TPST2: variants seen among roughly 807,000 people sequenced by gnomAD.
TPST2 encodes protein-tyrosine sulfotransferase 2.
Under a neutral mutation model 27.8 loss-of-function variants are expected in TPST2, and 16 were observed. The ratio of observed to expected loss-of-function variants is 0.58; its 90% confidence interval spans 0.39 to 0.88. The LOEUF (loss-of-function observed/expected upper bound fraction) is 0.88, where lower values mean the gene tolerates loss of function less well. Among genes scored for constraint, TPST2 ranks in the 40% least tolerant of loss-of-function variants. The pLI is 0.00. For synonymous variants in TPST2, 229 were observed against 231.7 expected, an observed-to-expected ratio of 0.99 and a Z score of 0.10; for missense variants, 464 against 543.1, an observed-to-expected ratio of 0.85 and a Z score of 1.45.
intron 1 of TPST2, among the ~76,000 whole-genome samples, chr22:26,575,616 G>C (rs1342695015): frequency 6.6e-6 from 1 of 152,184 alleles, no homozygotes; most frequent in Non-Finnish European, 1.5e-5. Flanking sequence ...AGGCACACAG[G>C]AGGTGCTCAT....
intron 1 of TPST2, among the ~76,000 whole-genome samples, chr22:26,583,060 C>T (rs9625048): frequency 1.2e-4 from 18 of 147,154 alleles, no homozygotes; most frequent in South Asian, 1.1e-3. Flanking sequence ...TGCAGTGAGC[C>T]GAGATCACAC....
chr22:26,562,629 CT>C (rs201599919), intron 1 of TPST2, among the ~76,000 whole-genome samples: 21 of 108,278 alleles, frequency 1.9e-4, no homozygotes, highest in African/African-American at 3.3e-4. Context: ...CTTTTCTTTT[CT>C]TTTTTTTTTT....
chr22:26,571,729 A>G (rs975006341), intron 1 of TPST2, among the ~76,000 whole-genome samples: 1 of 152,172 alleles, frequency 6.6e-6, no homozygotes, highest in Admixed American at 6.5e-5. Context: ...TCCTAATAGG[A>G]TCTCCTGAGC....
chr22:26,547,315 G>A lies in TPST2; in HGVS notation c.-160-2640C>T, dbSNP rs1926179769. 2.6e-5 allele frequency among the ~76,000 whole-genome samples: 4 copies of A among 152,118 alleles called. No individual in the cohort carries two copies. The South Asian group carries it at 6.2e-4, about 24-fold the overall frequency. ...GAGTCCCGCTATGTTGCCCAGGCTGGTCTCAAACTCCTGGACTCAAGCAAT... is the reference window on the plus strand; with the variant it reads ...GAGTCCCGCTATGTTGCCCAGGCTGATCTCAAACTCCTGGACTCAAGCAAT... On this transcript the variant is annotated intron_variant, in intron 1 of 6. Coordinates refer to ENST00000338754, the MANE Select transcript of TPST2 (RefSeq NM_003595.5).
chr22:26,549,876 A>AG lies in TPST2; in HGVS notation c.-160-5202_-160-5201insC, dbSNP rs1246892777. Reference sequence around the variant, plus strand: ...AAACCCCCCTCTCTACTAAAAAAAAAAAAAAAAAAAAATTAGCCGGGTGTG... The same window carrying AG: ...AAACCCCCCTCTCTACTAAAAAAAAAGAAAAAAAAAAAATTAGCCGGGTGTG... On this transcript the variant is annotated intron_variant, in intron 1 of 6. Transcript: ENST00000338754. Among the ~76,000 whole-genome samples the AG allele has an allele frequency of 3.4e-5, 5 of 148,702 alleles. No homozygotes were observed. In the East Asian group the frequency reaches 1.0e-3, roughly 30 times the overall value.
chr22:26,542,665 G>A (rs1925928347), intron 2 of TPST2, among the ~76,000 whole-genome samples: 1 of 152,158 alleles, frequency 6.6e-6, no homozygotes, highest in Non-Finnish European at 1.5e-5. Flanking sequence ...TAGCCTTCAT[G>A]CAGAATTTTC....
chr22:26,589,711 G>T (rs1928479976), intron 1 of TPST2, among the ~76,000 whole-genome samples: 1 of 152,134 alleles, frequency 6.6e-6, no homozygotes, highest in Admixed American at 6.5e-5. Context: ...AGGCGGGGAC[G>T]CGCCGCCCTC....
intron 1 of TPST2, among the ~76,000 whole-genome samples, chr22:26,571,575 G>C (rs554386515): frequency 6.6e-6 from 1 of 152,190 alleles, no homozygotes; most frequent in South Asian, 2.1e-4. Flanking sequence ...ACTAGATAGA[G>C]TTGTCACTCT....
intron 1 of TPST2, among the ~76,000 whole-genome samples, chr22:26,575,491 A>G (rs978294627): frequency 1.3e-5 from 2 of 152,200 alleles, no homozygotes; most frequent in African/African-American, 2.4e-5. Context: ...CTCCGGAGAC[A>G]GCGACACTAT....
chr22:26,583,436 C>CAAAAAAAAA (rs775047318), intron 1 of TPST2, among the ~76,000 whole-genome samples: 3 of 63,638 alleles, frequency 4.7e-5, no homozygotes, highest in African/African-American at 6.6e-5. Context: ...AACTCCATCT[C>CAAAAAAAAA]AAAAAAAAAA....
intron 1 of TPST2, among the ~76,000 whole-genome samples, chr22:26,551,883 CTTTTTTTTTT>C (rs1163793644): frequency 1.5e-5 from 1 of 66,426 alleles, no homozygotes; most frequent in South Asian, 4.7e-4. Flanking sequence ...TTTTCTTTTT[CTTTTTTTTTT>C]TTTTTTTTTT....
Position 26,571,129 on chromosome 22 carries a change from T to C in TPST2, c.-161+18924A>G, listed in dbSNP as rs1275106669. ...CAGGAAAAACCAGTCCTCATTTGCC[T>C]TACAGGTTTGACCCCACCCCTTACC... On this transcript the variant is annotated intron_variant, in intron 1 of 6. Transcript: ENST00000338754. Among the ~76,000 whole-genome samples the C allele has an allele frequency of 2.0e-5, 3 of 152,176 alleles. No individual in the cohort carries two copies. The East Asian group carries it at 5.8e-4, about 29-fold the overall frequency.
intron 1 of TPST2, among the ~76,000 whole-genome samples, chr22:26,568,870 T>C (rs912438616): frequency 1.9e-4 from 5 of 25,964 alleles, no homozygotes; most frequent in African/African-American, 7.3e-4. Context: ...AATTCTTTTT[T>C]TTTTTTTTTT....
chr22:26,565,038 A>G (rs892974807), intron 1 of TPST2, among the ~76,000 whole-genome samples: 6 of 152,162 alleles, frequency 3.9e-5, no homozygotes, highest in African/African-American at 1.4e-4. Context: ...TGCCACCTCC[A>G]AAACACCCAG....
At chr22:26,559,781 C>T (rs1376771833) in intron 1 of TPST2, among the ~76,000 whole-genome samples, 1 of 152,288 alleles carries the variant, frequency 6.6e-6, no homozygotes, top group African/African-American at 2.4e-5. Flanking sequence ...GCCTAGGGCT[C>T]TCCCAGGTCA....
chr22:26,561,027 C>T, intron 1 of TPST2: 1 of 1,601,268 alleles, frequency 6.2e-7, no homozygotes, highest in Admixed American at 1.7e-5. Context: ...TAAAGGAAAG[C>T]CTGATGCAGC....
Position 26,523,537 on chromosome 22 carries a change from G to A in TPST2, c.*2738C>T, listed in dbSNP as rs902411443. 1 of 152,094 alleles carries A rather than the reference G, an allele frequency of 6.6e-6. No individual in the cohort carries two copies. Among genetic ancestry groups the A allele is most frequent in the Non-Finnish European group, 1.5e-5 (1 of 68,004 alleles). 9.4% of individuals were successfully genotyped at this position (152,094 alleles called of 1,614,324 possible). A position where few individuals can be genotyped will look rare whatever the true frequency, so the allele number is the denominator to read the frequency against. On this transcript the variant is annotated 3_prime_UTR_variant, in exon 7 of 7. Transcript: ENST00000338754. Reference sequence around the variant, plus strand: ...TTTTTTTCAGGGAACAAGACCCAGTGCTACCACTTAGGGGCTAGAAACAGA... The same window carrying A: ...TTTTTTTCAGGGAACAAGACCCAGTACTACCACTTAGGGGCTAGAAACAGA...
chr22:26,527,833 C>T lies in TPST2; in HGVS notation c.*7+381G>A, dbSNP rs7285341. 9.1e-3 allele frequency among the ~76,000 whole-genome samples: 1,383 copies of T among 152,346 alleles called. 19 individuals are homozygous for T. The highest frequency in any genetic ancestry group is 0.032 in the African/African-American group (1,334 of 41,580). Reference sequence around the variant, plus strand: ...GACTGTTATTAGAACATTAATTGCTCTGGCCCAACGCTGATGCTGTTTTTA... The same window carrying T: ...GACTGTTATTAGAACATTAATTGCTTTGGCCCAACGCTGATGCTGTTTTTA... On this transcript the variant is annotated intron_variant, in intron 6 of 6. Coordinates refer to ENST00000338754, the MANE Select transcript of TPST2 (RefSeq NM_003595.5).
At chr22:26,531,008 T>TCAAAAACAAAAA (rs3037015) in intron 5 of TPST2, among the ~76,000 whole-genome samples, 6 of 151,764 alleles carry the variant, frequency 4.0e-5, no homozygotes, top group South Asian at 4.2e-4. Context: ...AAACTCCATC[T>TCAAAAACAAAAA]CAAAAACAAA....
Sources: allele counts gnomAD v4.1 joint callset (sites outside exome capture counted in the v4.1 genomes callset), GRCh38; gene constraint gnomAD v4.1.1; transcripts MANE v1.5; gene names NCBI Gene and HGNC (gene_info 2026-07-23, HGNC 2026-07-21).